STRN4: variants seen among roughly 807,000 people sequenced by gnomAD.
STRN4 encodes striatin-4.
Under a neutral mutation model 77.9 loss-of-function variants are expected in STRN4, and 27 were observed. The observed-to-expected ratio is 0.35, with a 90% CI of 0.26 to 0.48. STRN4 has a LOEUF of 0.48. STRN4 is among the 20% of genes least tolerant of loss of function. The pLI is 0.99. For synonymous variants in STRN4, 466 were observed against 443.1 expected (o/e 1.05, Z -0.65); for missense variants, 798 against 1,049.7 (o/e 0.76, Z 3.31).
chr19:46,736,717 G>T, intron 4 of STRN4, 106 bp downstream of exon 4: 1 of 1,187,380 alleles, frequency 8.4e-7, no homozygotes, highest in Non-Finnish European at 1.2e-6. Context: ...GATCCTGATA[G>T]TTCAGCATCC....
chr19:46,728,343 G>A (rs2054170197), intron 7 of STRN4: 2 of 586,812 alleles, frequency 3.4e-6, no homozygotes, highest in African/African-American at 3.7e-5. Flanking sequence ...CCTCCTTGAG[G>A]CCAGCCAGAG....
At position 46,719,733 on chromosome 19, in the gene STRN4, A is replaced by T. The variant is rs1213775725; in HGVS notation, c.*672T>A. The T allele has an allele frequency of 6.6e-6, 1 of 152,434 alleles. No homozygotes were observed. Among genetic ancestry groups the T allele is most frequent in the African/African-American group, 2.4e-5 (1 of 41,390 alleles). 9.4% of individuals were successfully genotyped at this position (152,434 alleles called of 1,614,324 possible). ...CGGCGCCATGAAAATCCCGTTATTT[A>T]TACAGATATACAGGGAGTTCAGGGG... On this transcript the variant is annotated 3_prime_UTR_variant, in exon 18 of 18. Transcript: ENST00000263280.
Position 46,746,375 on chromosome 19 carries a change from G to T in STRN4, c.56C>A (p.Pro19Gln), listed in dbSNP as rs1462958696. Residue 19 changes from proline (P) to glutamine (Q), a missense_variant, in exon 1 of 18, where the codon CCG (proline) becomes CAG (glutamine). Physicochemically the swap from Pro to Gln is moderately conservative, Grantham distance 76. This residue lies in a region of STRN4 where 511 missense variants were observed against 575.9 expected (regional missense o/e 0.89). Transcript: ENST00000263280. Reference protein sequence around the residue: ...AVAAAASSCRPLGSGAGPGPT... With the variant: ...AVAAAASSCRQLGSGAGPGPT... ...GCCAGGGCCCGCGCCTGAGCCGAGCGGACGGCAGGAGGAGGCGGCGGCGGC... is the reference window on the plus strand; with the variant it reads ...GCCAGGGCCCGCGCCTGAGCCGAGCTGACGGCAGGAGGAGGCGGCGGCGGC... 7.0e-6 allele frequency: 8 copies of T among 1,142,814 alleles called. No homozygotes were observed. In the South Asian group the frequency reaches 2.1e-4, roughly 30 times the overall value. The allele number at this position is 1,142,814 out of a possible 1,614,324, so 70.8% of individuals were successfully genotyped here. A position where few individuals can be genotyped will look rare whatever the true frequency, so the allele number is the denominator to read the frequency against.
At chr19:46,742,183 A>G (rs957214900) in intron 1 of STRN4, among the ~76,000 whole-genome samples, 4 of 152,174 alleles carry the variant, frequency 2.6e-5, no homozygotes, top group Admixed American at 2.0e-4. Flanking sequence ...AAACCACGTT[A>G]CTTACTTCTC....
intron 6 of STRN4, among the ~76,000 whole-genome samples, chr19:46,730,475 G>C (rs2054223047): frequency 6.6e-6 from 1 of 152,184 alleles, no homozygotes; most frequent in Non-Finnish European, 1.5e-5. Flanking sequence ...CGGGGCTCAG[G>C]GAAAGCTCCG....
At position 46,723,840 on chromosome 19, in the gene STRN4, G is replaced by A. The variant is rs573780356; in HGVS notation, c.1595-556C>T. On this transcript the variant is annotated intron_variant, in intron 12 of 17. Transcript: ENST00000263280. This position sits in a 1 kb window ranked among gnomAD's most constrained non-coding sequence, Gnocchi z 5.5. ...TGTGGTGGCTAATGTAGCTGGGACCGATCCTGACCTTGTGCAGGTGAGCCT... is the reference window on the plus strand; with the variant it reads ...TGTGGTGGCTAATGTAGCTGGGACCAATCCTGACCTTGTGCAGGTGAGCCT... Among the ~76,000 whole-genome samples the A allele has an allele frequency of 1.1e-4, 16 of 152,174 alleles. No individual in the cohort carries two copies. The highest frequency in any genetic ancestry group is 2.1e-4 in the Non-Finnish European group (14 of 68,030).
At position 46,746,198 on chromosome 19, in the gene STRN4, C is replaced by T. The variant is rs2054602041; in HGVS notation, c.233G>A (p.Arg78His). The change falls in exon 1 of 18, where the codon CGC becomes CAC. Residue 78 changes from arginine (R) to histidine (H), a missense_variant. Around this residue, in one of 2 missense-constraint regions of STRN4, gnomAD observed 511 missense variants for 575.9 expected, o/e 0.89. Coordinates refer to ENST00000263280, the MANE Select transcript of STRN4 (RefSeq NM_013403.3). ...CCAGCGGGCTTTCTCGGCTTCGAAG[C>T]GCGCCCACTCGTGCTGGATAAAGTG... ...ILHFIQHEWA[R>H]FEAEKARWEA... 1.3e-6 allele frequency: 2 copies of T among 1,539,228 alleles called. No individual in the cohort carries two copies. Among genetic ancestry groups the T allele is most frequent in the African/African-American group, 1.4e-5 (1 of 70,062 alleles).
At chr19:46,724,249 CAAAAAAAAAAAAAAAAAAAA>C (rs71970589) in intron 12 of STRN4, among the ~76,000 whole-genome samples, 2,365 of 87,302 alleles carry the variant, frequency 0.027, 141 homozygotes, top group African/African-American at 0.11. Context: ...CTCTTTGTCT[CAAAAAAAAAAAAAAAAAAAA>C]AAAAAAGGCA....
intron 9 of STRN4, 76 bp downstream of exon 9, chr19:46,727,376 C>T: frequency 7.7e-7 from 1 of 1,295,060 alleles, no homozygotes; most frequent in Non-Finnish European, 1.1e-6. Flanking sequence ...CGGGCGGCAC[C>T]CAGTCAGAGC....
chr19:46,723,974 G>A lies in STRN4; in HGVS notation c.1595-690C>T, dbSNP rs1008643863. ...CATGATCAAGGAGGCAGAGCCGGGCGCAGTGGCTCATGCCTGCAATCCCAG... is the reference window on the plus strand; with the variant it reads ...CATGATCAAGGAGGCAGAGCCGGGCACAGTGGCTCATGCCTGCAATCCCAG... On this transcript the variant is annotated intron_variant, in intron 12 of 17. Coordinates refer to ENST00000263280, the MANE Select transcript of STRN4 (RefSeq NM_013403.3). This position sits in a 1 kb window ranked among gnomAD's most constrained non-coding sequence, Gnocchi z 5.5. 2.0e-5 allele frequency among the ~76,000 whole-genome samples: 3 copies of A among 152,150 alleles called. No individual in the cohort carries two copies. The highest frequency in any genetic ancestry group is 1.9e-4 in the East Asian group (1 of 5,188).
Position 46,746,413 on chromosome 19 carries a change from C to T in STRN4, c.18G>A (p.Ala6=). Residue 6 remains alanine, a synonymous_variant, in exon 1 of 18, where the codon GCG becomes GCA. Transcript: ENST00000263280. The stretch of plus-strand genomic sequence containing the variant: ...AGGCGGCGGCGGCGACCGCGGCGGC[C>T]GCTCGCTCCTCCATCATGGAGGCCC... MMEER[A]AAAVAAAASS... is the part of the protein sequence containing the mutation. 9.6e-7 allele frequency: 1 copy of T among 1,042,308 alleles called. No homozygotes were observed. Among genetic ancestry groups the T allele is most frequent in the Non-Finnish European group, 1.1e-6 (1 of 869,876 alleles). The allele number at this position is 1,042,308 out of a possible 1,614,324, so 64.6% of individuals were successfully genotyped here.
At chr19:46,722,104 C>G (rs772058267) in intron 15 of STRN4, 32 bp from the exon 16 acceptor site, 7 of 1,611,508 alleles carry the variant, frequency 4.3e-6, no homozygotes, top group Non-Finnish European at 5.9e-6. Flanking sequence ...GCAGGTTCCC[C>G]TCCCACTCTG....
Position 46,730,891 on chromosome 19 carries a change from G to T in STRN4, c.738-18C>A, listed in dbSNP as rs1200120767. The T allele has an allele frequency of 6.2e-7, 1 of 1,608,496 alleles. No homozygotes were observed. The highest frequency in any genetic ancestry group is 1.7e-5 in the Admixed American group (1 of 60,014). On this transcript the variant is annotated intron_variant, in intron 5 of 17. Coordinates refer to ENST00000263280, the MANE Select transcript of STRN4 (RefSeq NM_013403.3). Reference sequence around the variant, plus strand: ...CCGCGTTCCTGCCAAAGACAGCAGAGCAGAGGAGGCATGAGTCCTGGCAGG... The same window carrying T: ...CCGCGTTCCTGCCAAAGACAGCAGATCAGAGGAGGCATGAGTCCTGGCAGG...
At chr19:46,745,968 G>A (rs2122460513) in intron 1 of STRN4, 181 bp downstream of exon 1, 2 of 689,714 alleles carry the variant, frequency 2.9e-6, no homozygotes, top group Non-Finnish European at 4.1e-6. Flanking sequence ...ACCCCGGAGT[G>A]CCCTCAGGAC....
intron 6 of STRN4, 26 bp downstream of exon 6, chr19:46,730,706 G>A (rs1484437487): frequency 1.2e-6 from 2 of 1,609,430 alleles, no homozygotes; most frequent in South Asian, 1.1e-5. Flanking sequence ...AGGCCAGGCT[G>A]TGCAGGGCAT....
At position 46,733,005 on chromosome 19, in the gene STRN4, CAG is replaced by C. The variant is rs563491024; in HGVS notation, c.737+32_737+33del. 270 of 1,585,372 alleles carry C rather than the reference CAG, an allele frequency of 1.7e-4. No individual in the cohort carries two copies. In the African/African-American group the frequency reaches 2.4e-3, roughly 14 times the overall value. On this transcript the variant is annotated intron_variant, in intron 5 of 17. Transcript: ENST00000263280. This position sits in a 1 kb window ranked among gnomAD's most constrained non-coding sequence, Gnocchi z 4.3. ...GGCCTTCACCAGCAGTCAGGAGGAA[CAG>C]AGAGACACACCTGCCATGTCCACGG...
At position 46,724,901 on chromosome 19, in the gene STRN4, G is replaced by A. The variant is rs1351139808; in HGVS notation, c.1500C>T (p.Gly500=). 2 of 1,613,942 alleles carry A rather than the reference G, an allele frequency of 1.2e-6. No individual in the cohort carries two copies. Residue 500 remains glycine, a synonymous_variant, in exon 12 of 18, where the codon GGC becomes GGT. Coordinates refer to ENST00000263280, the MANE Select transcript of STRN4 (RefSeq NM_013403.3). ...CACTGTAGCAGTATTCACTGTTGCT[G>A]CCCATAGCCACAGCCAACACTGGGC... The part of the protein sequence containing the change: ...HRGPVLAVAM[G]SNSEYCYSGG...
In STRN4 at chr19:46,736,858, C is replaced by A; in HGVS notation, c.504G>T (p.Pro168=). 1 of 1,613,220 alleles carries A rather than the reference C, an allele frequency of 6.2e-7. No individual in the cohort carries two copies. Among genetic ancestry groups the A allele is most frequent in the Non-Finnish European group, 8.5e-7 (1 of 1,179,568 alleles). ...PVESVTLENS[P]LVWKEGRQLL... ...GCTGCCGCCCCTCCTTCCACACCAA[C>A]GGGCTGTTCTCCAGGGTGACCGATT... Residue 168 remains proline, a synonymous_variant, in exon 4 of 18, where the codon CCG becomes CCT. Coordinates refer to ENST00000263280, the MANE Select transcript of STRN4 (RefSeq NM_013403.3).
intron 9 of STRN4, 157 bp from the exon 10 acceptor site, chr19:46,725,805 T>C: frequency 2.2e-6 from 2 of 925,450 alleles, no homozygotes; most frequent in Non-Finnish European, 3.2e-6. Context: ...CTCCCCTTCC[T>C]CTGCTGGGCA....
Sources: gnomAD v4.1 joint callset for allele counts (sites outside exome capture counted in the v4.1 genomes callset) on GRCh38, gnomAD v4.1.1 for gene constraint, gnomAD v4.1.1 regional missense constraint, Gnocchi (gnomAD v3.1) non-coding constraint, MANE v1.5 for transcripts, NCBI Gene and HGNC (gene_info 2026-07-23, HGNC 2026-07-21) for gene names.